Variants in PCLO observed in about 807,000 individuals in gnomAD.
PCLO encodes the protein protein piccolo.
PCLO carries 82 observed loss-of-function variants against 427.5 expected under a neutral mutation model. The observed-to-expected ratio is 0.19, with a 90% CI of 0.16 to 0.23. The LOEUF is 0.23. Among genes scored for constraint, PCLO ranks in the 10% least tolerant of loss-of-function variants. PCLO has a pLI of 1.00. For synonymous variants in PCLO, 2,357 were observed against 2,155.4 expected, an observed-to-expected ratio of 1.09 and a Z score of -2.59; for missense variants, 6,239 against 6,115.9, an observed-to-expected ratio of 1.02 and a Z score of -0.67.
intron 3 of PCLO, among the ~76,000 whole-genome samples, chr7:82,994,596 T>C (rs1316947212): frequency 7.2e-6 from 1 of 138,480 alleles, no homozygotes; most frequent in Non-Finnish European, 1.5e-5. Context: ...TATATATTTT[T>C]ATTTTGGGGG....
chr7:82,864,088 T>C (rs902233351), intron 10 of PCLO, among the ~76,000 whole-genome samples: 1 of 152,088 alleles, frequency 6.6e-6, no homozygotes, highest in Non-Finnish European at 1.5e-5. Context: ...CTAAGTTATT[T>C]TGGTATTATA....
intron 9 of PCLO, among the ~76,000 whole-genome samples, chr7:82,890,421 G>A (rs1793730568): frequency 6.6e-6 from 1 of 151,674 alleles, no homozygotes. Context: ...AGCAAGGACT[G>A]TACCACAGAC....
At chr7:83,116,198 C>T (rs1259217760) in intron 3 of PCLO, among the ~76,000 whole-genome samples, 1 of 151,994 alleles carries the variant, frequency 6.6e-6, no homozygotes, top group African/African-American at 2.4e-5. Context: ...TCTGATTAGG[C>T]AGATTTCTAT....
At chr7:82,786,749 C>A (rs567224112) in intron 22 of PCLO, among the ~76,000 whole-genome samples, 68 of 152,058 alleles carry the variant, frequency 4.5e-4, no homozygotes, top group Non-Finnish European at 7.8e-4. Context: ...TAGCTCCCCA[C>A]CCCCCAACAG....
intron 3 of PCLO, among the ~76,000 whole-genome samples, chr7:83,043,225 G>A (rs1447256806): frequency 6.6e-6 from 1 of 152,048 alleles, no homozygotes; most frequent in African/African-American, 2.4e-5. Flanking sequence ...TAGCGAAGCT[G>A]AAATTCTGGA....
In PCLO at chr7:83,130,586, G is replaced by A. The variant is rs1167379208; in HGVS notation, c.3300+3664C>T. 2.6e-5 allele frequency among the ~76,000 whole-genome samples: 4 copies of A among 152,228 alleles called. No individual in the cohort carries two copies. In the East Asian group the frequency reaches 7.7e-4, roughly 29 times the overall value. On this transcript the variant is annotated intron_variant, in intron 3 of 24. Transcript: ENST00000333891. ...AGCCTTTAATTTCTTTTGTGTGTGT[G>A]TATGTAAATGCTTTTGAGTACTGAA... is the stretch of plus-strand genomic sequence containing the variant.
Position 82,953,021 on chromosome 7 carries a change from A to C in PCLO, c.7932T>G (p.Ala2644=). The change falls in exon 5 of 25, where the codon GCT becomes GCG. Residue 2644 remains alanine, a synonymous_variant. Coordinates refer to ENST00000333891, the MANE Select transcript of PCLO (RefSeq NM_033026.6). ...SSEQTFYISG[A]LQTFSATPVT... is the part of the protein sequence containing the mutation. ...CAGGGGTAGCAGAAAATGTCTGTAA[A>C]GCTCCAGAGATGTAGAAGGTCTGTT... 1 of 1,613,958 alleles carries C rather than the reference A, an allele frequency of 6.2e-7. No individual in the cohort carries two copies. The highest frequency in any genetic ancestry group is 8.5e-7 in the Non-Finnish European group (1 of 1,179,870).
intron 9 of PCLO, among the ~76,000 whole-genome samples, chr7:82,898,319 T>C (rs532148963): frequency 5.5e-4 from 83 of 151,616 alleles, no homozygotes; most frequent in South Asian, 3.9e-3. Flanking sequence ...GAGGGTCCCA[T>C]TGACATTACT....
chr7:83,134,671 G>A lies in PCLO; in HGVS notation c.2879C>T (p.Pro960Leu). 6.2e-7 allele frequency: 1 copy of A among 1,613,672 alleles called. No individual in the cohort carries two copies. Among genetic ancestry groups the A allele is most frequent in the Non-Finnish European group, 8.5e-7 (1 of 1,179,762 alleles). The change falls in exon 3 of 25, where the codon CCA becomes CTA. Residue 960 changes from proline (P) to leucine (L), a missense_variant. Physicochemically the swap from Pro to Leu is moderately conservative, Grantham distance 98. Around this residue, in one of 5 missense-constraint regions of PCLO, gnomAD observed 4,677 missense variants for 4,468.4 expected, o/e 1.05. Transcript: ENST00000333891. The part of the protein sequence containing the change: ...GQPGPHSQSG[P>L]GAPMKQAPAP... ...AGGGGCTTGTTTCATTGGGGCCCCT[G>A]GTCCACTTTGTGAATGAGGTCCAGG... is the stretch of plus-strand genomic sequence containing the variant.
chr7:82,945,985 C>T (rs746062623), intron 6 of PCLO, among the ~76,000 whole-genome samples: 3 of 152,050 alleles, frequency 2.0e-5, no homozygotes, highest in African/African-American at 4.8e-5. Context: ...AGTCAGGGCA[C>T]GGGTTTAGTA....
At chr7:83,005,599 C>T (rs1787926691) in intron 3 of PCLO, among the ~76,000 whole-genome samples, 1 of 151,510 alleles carries the variant, frequency 6.6e-6, no homozygotes, top group Admixed American at 6.6e-5. Context: ...AAAGTACAAA[C>T]AAGCAAGCAA....
intron 3 of PCLO, among the ~76,000 whole-genome samples, chr7:83,089,410 T>C (rs1790322466): frequency 6.6e-6 from 1 of 152,140 alleles, no homozygotes; most frequent in Non-Finnish European, 1.5e-5. Flanking sequence ...CCTATAGAAC[T>C]CTGTCCTTTC....
rs771486206 is a variant in PCLO, at chr7:83,134,910, G to A, written c.2640C>T (p.Gly880=). 5.6e-6 allele frequency: 9 copies of A among 1,603,156 alleles called. No individual in the cohort carries two copies. The East Asian group carries it at 1.1e-4, about 20-fold the overall frequency. ...PMPKGSPTPP[G]PRPTAGQTVP... is the part of the protein sequence containing the mutation. Reference sequence around the variant, plus strand: ...CAGTTTGGCCAGCGGTAGGTCGTGGGCCAGGGGGTGTTGGTGACCCTTTTG... The same window carrying A: ...CAGTTTGGCCAGCGGTAGGTCGTGGACCAGGGGGTGTTGGTGACCCTTTTG... The change falls in exon 3 of 25, where the codon GGC becomes GGT. Residue 880 remains glycine (G), a synonymous_variant. Transcript: ENST00000333891.
intron 3 of PCLO, among the ~76,000 whole-genome samples, chr7:83,104,624 T>C (rs1282168402): frequency 6.6e-6 from 1 of 152,074 alleles, no homozygotes; most frequent in Non-Finnish European, 1.5e-5. Flanking sequence ...AAAAAGCTGA[T>C]TTTAATTATC....
At chr7:82,901,138 T>G (rs1794028490) in intron 9 of PCLO, among the ~76,000 whole-genome samples, 1 of 151,876 alleles carries the variant, frequency 6.6e-6, no homozygotes, top group South Asian at 2.1e-4. Context: ...AAACATATGA[T>G]TAATGAAAAG....
At chr7:82,826,968 T>G (rs905880367) in intron 17 of PCLO, among the ~76,000 whole-genome samples, 1 of 152,124 alleles carries the variant, frequency 6.6e-6, no homozygotes, top group East Asian at 1.9e-4. Flanking sequence ...ATAAATACTC[T>G]AAATATAAGA....
At chr7:82,983,155 T>A (rs1053363397) in intron 3 of PCLO, among the ~76,000 whole-genome samples, 17 of 151,464 alleles carry the variant, frequency 1.1e-4, no homozygotes, top group African/African-American at 4.1e-4. Flanking sequence ...TTATTCACAT[T>A]GAGTACAAAA....
chr7:83,153,164 ATATATGTATATATAAAAACATATG>A (rs1249622371), intron 2 of PCLO, among the ~76,000 whole-genome samples: 3 of 150,336 alleles, frequency 2.0e-5, no homozygotes, highest in African/African-American at 7.3e-5. Flanking sequence ...AGCTACATAT[ATATATGTATATATAAAAACATATG>A]TATATGTATA....
At chr7:82,986,038 T>A (rs1365507152) in intron 3 of PCLO, among the ~76,000 whole-genome samples, 1 of 152,022 alleles carries the variant, frequency 6.6e-6, no homozygotes, top group Non-Finnish European at 1.5e-5. Flanking sequence ...TCATGATTAC[T>A]AATACCTTAT....
Sources: gnomAD v4.1 joint callset for allele counts (sites outside exome capture counted in the v4.1 genomes callset) on GRCh38, gnomAD v4.1.1 for gene constraint, gnomAD v4.1.1 regional missense constraint, MANE v1.5 for transcripts, NCBI Gene and HGNC (gene_info 2026-07-23, HGNC 2026-07-21) for gene names.